ZNF521: variants seen among roughly 807,000 people sequenced by gnomAD.
ZNF521 encodes LYST-interacting protein 3.
A neutral mutation model predicts 105.5 loss-of-function variants in ZNF521; 14 were observed. The observed-to-expected ratio is 0.13, with a 90% CI of 0.09 to 0.21. The LOEUF (loss-of-function observed/expected upper bound fraction) is 0.21. Ranked by LOEUF, ZNF521 falls within the 10% of genes least tolerant of loss-of-function variation. The pLI, the probability that ZNF521 is intolerant of heterozygous loss-of-function variation, is 1.00. For missense variants in ZNF521, 1,233 were observed against 1,629.7 expected (o/e 0.76, Z 4.19); for synonymous variants, 635 against 606.0 (o/e 1.05, Z -0.70).
Position 25,092,080 on chromosome 18 carries a change from A to G in ZNF521, c.3660T>C (p.Asp1220=), listed in dbSNP as rs766493953. ...IQVHVANHMI[D]EGLNHECKLC... is the part of the protein sequence containing the mutation. ...GTTTGCATTCATGGTTCAGTCCTTCATCTGTCAAGGAAAACACATGAAGAG... is the reference window on the plus strand; with the variant it reads ...GTTTGCATTCATGGTTCAGTCCTTCGTCTGTCAAGGAAAACACATGAAGAG... The change falls in exon 6 of 8, where the codon GAT becomes GAC. Residue 1220 remains aspartate, a splice_region_variant and synonymous_variant. Transcript: ENST00000361524. 5 of 1,613,696 alleles carry G rather than the reference A, an allele frequency of 3.1e-6. No homozygotes were observed. Among genetic ancestry groups the G allele is most frequent in the Admixed American group, 1.7e-5 (1 of 59,992 alleles).
chr18:25,265,953 G>C (rs1260200460), intron 3 of ZNF521, among the ~76,000 whole-genome samples: 1 of 152,096 alleles, frequency 6.6e-6, no homozygotes, highest in Non-Finnish European at 1.5e-5. Context: ...CAAACATCGC[G>C]TCTTCTCACT....
At chr18:25,092,139 T>C in intron 5 of ZNF521, 58 bp from the exon 6 acceptor site, 1 of 1,595,004 alleles carries the variant, frequency 6.3e-7, no homozygotes, top group Non-Finnish European at 8.6e-7. Flanking sequence ...TTTAATACAC[T>C]AGAGAGTTAT....
chr18:25,111,857 C>G (rs541364657), intron 5 of ZNF521, among the ~76,000 whole-genome samples: 7 of 152,214 alleles, frequency 4.6e-5, no homozygotes, highest in African/African-American at 9.6e-5. Context: ...GGTTTTACTG[C>G]ATCTTGAGAC....
intron 2 of ZNF521, among the ~76,000 whole-genome samples, chr18:25,346,621 C>T (rs999466001): frequency 1.3e-5 from 2 of 152,112 alleles, no homozygotes; most frequent in Non-Finnish European, 2.9e-5. Context: ...AATTACTCTA[C>T]TCAAAAATAA....
chr18:25,268,481 G>C (rs1422324142), intron 3 of ZNF521, among the ~76,000 whole-genome samples: 1 of 152,194 alleles, frequency 6.6e-6, no homozygotes, highest in Non-Finnish European at 1.5e-5. Flanking sequence ...ATAATCGTCA[G>C]ATTCACCAAG....
chr18:25,099,037 A>C (rs1487254225), intron 5 of ZNF521, among the ~76,000 whole-genome samples: 3 of 152,164 alleles, frequency 2.0e-5, no homozygotes, highest in Non-Finnish European at 4.4e-5. Context: ...TCAATGCCAT[A>C]AGAGTGTTGA....
At chr18:25,193,025 A>G (rs937677768) in intron 5 of ZNF521, among the ~76,000 whole-genome samples, 2 of 152,124 alleles carry the variant, frequency 1.3e-5, no homozygotes, top group African/African-American at 4.8e-5. Flanking sequence ...ACCCTCTGTG[A>G]AAAGGAATGG....
chr18:25,154,819 A>T (rs1428554324), intron 5 of ZNF521, among the ~76,000 whole-genome samples: 3 of 152,124 alleles, frequency 2.0e-5, no homozygotes, highest in Non-Finnish European at 4.4e-5. Context: ...TTCTTTCCAT[A>T]TTTTGGCTAT....
intron 5 of ZNF521, among the ~76,000 whole-genome samples, chr18:25,110,715 TAGA>T (rs2144297161): frequency 1.3e-5 from 2 of 151,980 alleles, no homozygotes; most frequent in South Asian, 4.2e-4. Flanking sequence ...GTTTCAAATA[TAGA>T]AGCACTGTCT....
intron 5 of ZNF521, among the ~76,000 whole-genome samples, chr18:25,113,450 TA>T (rs1189831214): frequency 1.3e-4 from 20 of 152,344 alleles, no homozygotes; most frequent in African/African-American, 4.6e-4. Flanking sequence ...CAGCCTCTAA[TA>T]AAGAAATGCA....
chr18:25,337,939 T>C (rs1446174886), intron 2 of ZNF521, among the ~76,000 whole-genome samples: 1 of 152,234 alleles, frequency 6.6e-6, no homozygotes, highest in South Asian at 2.1e-4. Flanking sequence ...AGATCATAAG[T>C]GCTTATATGG....
At chr18:25,248,995 A>C (rs1907920928) in intron 3 of ZNF521, among the ~76,000 whole-genome samples, 1 of 152,246 alleles carries the variant, frequency 6.6e-6, no homozygotes, top group Non-Finnish European at 1.5e-5. Context: ...TTGTGACAGA[A>C]ACCATATGGC....
At chr18:25,187,871 A>G (rs1461518554) in intron 5 of ZNF521, among the ~76,000 whole-genome samples, 1 of 152,196 alleles carries the variant, frequency 6.6e-6, no homozygotes, top group Non-Finnish European at 1.5e-5. Context: ...GAATAAATAA[A>G]TAATCTAATT....
intron 5 of ZNF521, among the ~76,000 whole-genome samples, chr18:25,158,969 GA>G (rs2035200253): frequency 6.7e-6 from 1 of 149,162 alleles, no homozygotes; most frequent in East Asian, 2.0e-4. Flanking sequence ...AAAAAAAAAA[GA>G]AAGGTAAAAC....
intron 3 of ZNF521, among the ~76,000 whole-genome samples, chr18:25,284,465 CA>C (rs554281560): frequency 1.0e-3 from 157 of 152,124 alleles, no homozygotes; most frequent in African/African-American, 3.6e-3. Flanking sequence ...ATACGTCACA[CA>C]AAAAAATCAG....
chr18:25,161,753 TA>T (rs2035254983), intron 5 of ZNF521, among the ~76,000 whole-genome samples: 1 of 152,198 alleles, frequency 6.6e-6, no homozygotes. Context: ...AAGAGCTGAC[TA>T]ATGTACAGAG....
chr18:25,311,398 A>AG (rs1025842283), intron 3 of ZNF521, among the ~76,000 whole-genome samples: 3 of 151,998 alleles, frequency 2.0e-5, no homozygotes, highest in Non-Finnish European at 4.4e-5. Context: ...AAAAAAAAAA[A>AG]AAATTCAACC....
chr18:25,218,261 C>A (rs1905462365), intron 4 of ZNF521, among the ~76,000 whole-genome samples: 1 of 151,898 alleles, frequency 6.6e-6, no homozygotes, highest in South Asian at 2.1e-4. Flanking sequence ...AATGATGAGA[C>A]TCAAGTCAGA....
At chr18:25,155,416 G>A (rs2035125517) in intron 5 of ZNF521, among the ~76,000 whole-genome samples, 1 of 151,944 alleles carries the variant, frequency 6.6e-6, no homozygotes, top group African/African-American at 2.4e-5. Context: ...AAGTTTTTTA[G>A]TTTGATGTAG....
Sources: allele counts gnomAD v4.1 joint callset (sites outside exome capture counted in the v4.1 genomes callset), GRCh38; gene constraint gnomAD v4.1.1; transcripts MANE v1.5; gene names NCBI Gene and HGNC (gene_info 2026-07-23, HGNC 2026-07-21).